Variants in DACH2 observed in about 807,000 individuals in gnomAD.
DACH2 encodes the protein dachshund family transcription factor 2, also known as dachshund homolog 2.
Under a neutral mutation model 35.8 loss-of-function variants are expected in DACH2, and 17 were observed. The ratio of observed to expected loss-of-function variants is 0.48; its 90% CI spans 0.33 to 0.71. The LOEUF is 0.71. Ranked by LOEUF, DACH2 falls within the 30% of genes least tolerant of loss-of-function variation. The pLI is 0.02. For missense variants in DACH2, 469 were observed against 472.7 expected (o/e 0.99, Z 0.07); for synonymous variants, 195 against 177.3 (o/e 1.10, Z -0.79).
rs776392598 is a variant in DACH2, at chrX:86,620,159, A to T, written c.641-30877A>T. ...TATTTAGGCCTTAAGTTACTGAAAT[A>T]CTTTGTTACTGTTGGTAGTAAAGGC... On this transcript the variant is annotated intron_variant, in intron 3 of 11. Transcript: ENST00000373125. Among the ~76,000 whole-genome samples, 3 of 112,162 alleles carry T rather than the reference A, an allele frequency of 2.7e-5. No homozygotes were observed. The South Asian group carries it at 1.1e-3, about 41-fold the overall frequency.
At chrX:86,791,325 C>T (rs1569482629) in intron 7 of DACH2, among the ~76,000 whole-genome samples, 1 of 111,824 alleles carries the variant, frequency 8.9e-6, no homozygotes, top group East Asian at 2.8e-4. Context: ...GAAATGATCT[C>T]CAGGAATGCT....
chrX:86,691,636 GCAT>G (rs2148441730), intron 4 of DACH2, among the ~76,000 whole-genome samples: 1 of 111,682 alleles, frequency 9.0e-6, no homozygotes, highest in African/African-American at 3.2e-5. Flanking sequence ...AGAGGAAAGA[GCAT>G]GTGAGGACAT....
intron 11 of DACH2, chrX:86,827,932 C>A (rs1163819457): frequency 3.4e-6 from 2 of 588,614 alleles, no homozygotes; most frequent in Non-Finnish European, 5.2e-6. Flanking sequence ...GAACCTTACA[C>A]ATACAGGAAA....
intron 1 of DACH2, among the ~76,000 whole-genome samples, chrX:86,209,964 G>GA: frequency 9.0e-6 from 1 of 111,000 alleles, no homozygotes; most frequent in East Asian, 2.8e-4. Flanking sequence ...TGCTTATGAA[G>GA]AAAAAAAATC....
At chrX:86,583,302 A>C (rs1481680624) in intron 3 of DACH2, among the ~76,000 whole-genome samples, 1 of 110,967 alleles carries the variant, frequency 9.0e-6, no homozygotes, top group Non-Finnish European at 1.9e-5. Context: ...GAACTGGAAT[A>C]AGACAAGGAT....
At chrX:86,502,015 C>CTTCCTTCT (rs2148257674) in intron 2 of DACH2, among the ~76,000 whole-genome samples, 1 of 35,580 alleles carries the variant, frequency 2.8e-5, no homozygotes, top group Non-Finnish European at 5.3e-5. Context: ...TCCTTCTTTC[C>CTTCCTTCT]TTCCTTCCTT....
At chrX:86,584,404 A>G (rs1248131987) in intron 3 of DACH2, among the ~76,000 whole-genome samples, 1 of 110,579 alleles carries the variant, frequency 9.0e-6, no homozygotes, top group Non-Finnish European at 1.9e-5. Context: ...TTTATTAATC[A>G]TTTAATAAAC....
chrX:86,532,347 A>G (rs975604619), intron 3 of DACH2, among the ~76,000 whole-genome samples: 2 of 111,551 alleles, frequency 1.8e-5, no homozygotes, highest in South Asian at 3.8e-4. Flanking sequence ...GCAAAGTGTC[A>G]TCTTGAATTG....
chrX:86,259,954 A>AC (rs1015230536), intron 1 of DACH2, among the ~76,000 whole-genome samples: 14 of 109,508 alleles, frequency 1.3e-4, no homozygotes, highest in Non-Finnish European at 2.7e-4. Context: ...CTTACTGCTT[A>AC]TTTTTTTTTA....
At chrX:86,348,891 G>C (rs1223867485) in intron 1 of DACH2, among the ~76,000 whole-genome samples, 3 of 112,457 alleles carry the variant, frequency 2.7e-5, no homozygotes, top group Non-Finnish European at 5.6e-5. Context: ...GCAGGCAGAC[G>C]GGCAGGTTGT....
intron 1 of DACH2, among the ~76,000 whole-genome samples, chrX:86,266,673 A>G (rs1338559421): frequency 9.0e-6 from 1 of 111,409 alleles, no homozygotes; most frequent in Non-Finnish European, 1.9e-5. Context: ...GCAATTGACT[A>G]TGATTGTGAC....
intron 1 of DACH2, among the ~76,000 whole-genome samples, chrX:86,325,295 G>A (rs745696061): frequency 2.7e-5 from 3 of 111,629 alleles, no homozygotes; most frequent in South Asian, 3.8e-4. Context: ...GCTTAATTGA[G>A]TATGCCACAG....
chrX:86,804,555 C>T (rs2042324837), intron 7 of DACH2, among the ~76,000 whole-genome samples: 1 of 111,968 alleles, frequency 8.9e-6, no homozygotes, highest in Non-Finnish European at 1.9e-5. Context: ...CAACAGTACC[C>T]CAAAGTCTTA....
intron 3 of DACH2, among the ~76,000 whole-genome samples, chrX:86,520,255 T>A (rs1166950843): frequency 8.9e-6 from 1 of 112,099 alleles, no homozygotes; most frequent in African/African-American, 3.2e-5. Flanking sequence ...TTTATTGTGC[T>A]GTGGTCCAAG....
At chrX:86,679,616 C>CTGTG (rs67988965) in intron 4 of DACH2, among the ~76,000 whole-genome samples, 1,626 of 96,251 alleles carry the variant, frequency 0.017, 23 homozygotes, top group African/African-American at 0.042. Context: ...CTCTCTGTCT[C>CTGTG]TGTGTGTGTG....
intron 3 of DACH2, among the ~76,000 whole-genome samples, chrX:86,581,232 A>G (rs1490478583): frequency 2.7e-5 from 3 of 112,061 alleles, no homozygotes; most frequent in Non-Finnish European, 5.6e-5. Context: ...AGGGATGCTA[A>G]ATATGGAAAG....
chrX:86,417,783 C>T (rs988108438), intron 2 of DACH2, among the ~76,000 whole-genome samples: 4 of 111,260 alleles, frequency 3.6e-5, no homozygotes, highest in African/African-American at 6.6e-5. Flanking sequence ...CCAACAGTCA[C>T]CCAAAGTCTT....
At chrX:86,264,933 C>T (rs1265481152) in intron 1 of DACH2, among the ~76,000 whole-genome samples, 1 of 110,877 alleles carries the variant, frequency 9.0e-6, no homozygotes, top group Non-Finnish European at 1.9e-5. Context: ...CATCCTTTAT[C>T]ATTTTTGCTG....
At chrX:86,280,234 A>T (rs1365204678) in intron 1 of DACH2, among the ~76,000 whole-genome samples, 1 of 112,246 alleles carries the variant, frequency 8.9e-6, no homozygotes, top group African/African-American at 3.2e-5. Context: ...AGGGAAGCCC[A>T]TCAGACTAAC....
Sources: allele counts gnomAD v4.1 joint callset (sites outside exome capture counted in the v4.1 genomes callset), GRCh38; gene constraint gnomAD v4.1.1; transcripts MANE v1.5; gene names NCBI Gene and HGNC (gene_info 2026-07-23, HGNC 2026-07-21).